MRPS22: variants seen among roughly 807,000 people sequenced by gnomAD.
MRPS22 encodes the protein small ribosomal subunit protein mS22.
MRPS22 carries 30 observed loss-of-function variants against 44.0 expected under a neutral mutation model. The observed-to-expected ratio is 0.68, with a 90% CI of 0.51 to 0.93. The LOEUF (loss-of-function observed/expected upper bound fraction) is 0.93, where lower values mean the gene tolerates loss of function less well. Among genes scored for constraint, MRPS22 ranks in the 40% least tolerant of loss-of-function variants. The pLI, the probability that MRPS22 is intolerant of heterozygous loss-of-function variation, is 0.00. For synonymous variants in MRPS22, 165 were observed against 154.4 expected, an observed-to-expected ratio of 1.07 and a Z score of -0.51; for missense variants, 447 against 447.8, an observed-to-expected ratio of 1.00 and a Z score of 0.02.
chr3:139,353,802 G>T (rs1323514597), intron 6 of MRPS22, among the ~76,000 whole-genome samples: 1 of 152,108 alleles, frequency 6.6e-6, no homozygotes, highest in Non-Finnish European at 1.5e-5. Flanking sequence ...GTGTTGATGG[G>T]GATGCTCAAG....
intron 1 of MRPS22, chr3:139,344,653 A>G (rs1941003853): frequency 2.9e-6 from 2 of 693,886 alleles, no homozygotes; most frequent in South Asian, 3.0e-5. Flanking sequence ...CTTCTCAAGC[A>G]TAGGGGACAG....
At chr3:139,353,969 G>T (rs991739163) in intron 6 of MRPS22, among the ~76,000 whole-genome samples, 1 of 152,172 alleles carries the variant, frequency 6.6e-6, no homozygotes, top group Non-Finnish European at 1.5e-5. Context: ...AGTTTATTAG[G>T]ATATATTAAT....
Position 139,355,799 on chromosome 3 carries a change from T to C in MRPS22, c.987+9T>C, listed in dbSNP as rs762988177. Reference sequence around the variant, plus strand: ...GAATAAATTTAATCAAGGTAAAGTTTTTTTTTCATATTGGTTGTTTTGTGG... The same window carrying C: ...GAATAAATTTAATCAAGGTAAAGTTCTTTTTTCATATTGGTTGTTTTGTGG... On this transcript the variant is annotated intron_variant, in intron 7 of 7. Coordinates refer to ENST00000680020, the MANE Select transcript of MRPS22 (RefSeq NM_020191.4). 17 of 1,606,832 alleles carry C rather than the reference T, an allele frequency of 1.1e-5. No individual in the cohort carries two copies. Among genetic ancestry groups the C allele is most frequent in the East Asian group, 2.2e-5 (1 of 44,828 alleles).
intron 6 of MRPS22, 171 bp from the exon 7 acceptor site, chr3:139,355,511 C>G (rs1941231636): frequency 3.0e-6 from 2 of 663,422 alleles, no homozygotes; most frequent in Admixed American, 4.7e-5. Flanking sequence ...CTAAATTAGT[C>G]AATTTTCCTG....
At chr3:139,344,505 G>A in intron 1 of MRPS22, 2 of 610,836 alleles carry the variant, frequency 3.3e-6, no homozygotes, top group East Asian at 5.5e-5. Flanking sequence ...GGAATTGGCA[G>A]TGCAGTGTGA....
rs745665874 is a variant in MRPS22 at position 139,350,223 on chromosome 3, A to T, written c.549A>T (p.Lys183Asn). 1.9e-6 allele frequency: 3 copies of T among 1,614,194 alleles called. No homozygotes were observed. Among genetic ancestry groups the T allele is most frequent in the Non-Finnish European group, 2.5e-6 (3 of 1,180,010 alleles). The change falls in exon 4 of 8, where the codon AAA becomes AAT. Residue 183 changes from lysine (K) to asparagine (N), a missense_variant. Coordinates refer to ENST00000680020, the MANE Select transcript of MRPS22 (RefSeq NM_020191.4). ...GAGAACCAAGTGGCACACTACGCAA[A>T]GCCTCTTGGGAAGAACGGGACCGAA... ...VVREPSGTLR[K>N]ASWEERDRMI...
At chr3:139,350,070 G>T in intron 3 of MRPS22, 109 bp from the exon 4 acceptor site, 1 of 1,302,122 alleles carries the variant, frequency 7.7e-7, no homozygotes, top group Non-Finnish European at 1.1e-6. Flanking sequence ...ATGCATGATT[G>T]CATTTTATAT....
At chr3:139,350,444 TGAAATGGAGTTTCGCTCC>T in intron 4 of MRPS22, 122 bp downstream of exon 4, 3 of 1,144,490 alleles carry the variant, frequency 2.6e-6, no homozygotes, top group Non-Finnish European at 3.8e-6. Flanking sequence ...TTTTTTTTTT[TGAAATGGAGTTTCGCTCC>T]TTTTGCCCAG....
chr3:139,347,945 A>T (rs1465057890), intron 2 of MRPS22, among the ~76,000 whole-genome samples: 1 of 152,214 alleles, frequency 6.6e-6, no homozygotes, highest in East Asian at 1.9e-4. Context: ...TGTGGTTTTG[A>T]TAACGGTTGA....
chr3:139,352,277 CTT>C, intron 5 of MRPS22: 1 of 212,220 alleles, frequency 4.7e-6, no homozygotes, highest in South Asian at 8.0e-5. Flanking sequence ...AAATTCTTCT[CTT>C]TTAATTTTTT....
At chr3:139,356,329 T>C (rs1267810660) in intron 7 of MRPS22, among the ~76,000 whole-genome samples, 1 of 152,132 alleles carries the variant, frequency 6.6e-6, no homozygotes, top group Non-Finnish European at 1.5e-5. Context: ...GTGCTGAGAG[T>C]TGAGATGATA....
In MRPS22 at chr3:139,346,867, G is replaced by A; in HGVS notation, c.173-11G>A. Reference sequence around the variant, plus strand: ...TTTTGTCAGCTTCTTATTTACTAAAGTCCATTTTAGCAGAATCTGGTAGCC... The same window carrying A: ...TTTTGTCAGCTTCTTATTTACTAAAATCCATTTTAGCAGAATCTGGTAGCC... On this transcript the variant is annotated splice_polypyrimidine_tract_variant and intron_variant, in intron 1 of 7. Coordinates refer to ENST00000680020, the MANE Select transcript of MRPS22 (RefSeq NM_020191.4). 6.2e-7 allele frequency: 1 copy of A among 1,613,998 alleles called. No homozygotes were observed. The highest frequency in any genetic ancestry group is 8.5e-7 in the Non-Finnish European group (1 of 1,179,920).
intron 7 of MRPS22, among the ~76,000 whole-genome samples, chr3:139,356,444 T>C (rs1941265696): frequency 6.6e-6 from 1 of 152,192 alleles, no homozygotes; most frequent in Non-Finnish European, 1.5e-5. Context: ...AGTAATACTG[T>C]TTGCATGCTG....
At chr3:139,356,794 T>C (rs1368703167) in intron 7 of MRPS22, 125 bp from the exon 8 acceptor site, 1 of 690,220 alleles carries the variant, frequency 1.4e-6, no homozygotes, top group Non-Finnish European at 2.5e-6. Flanking sequence ...AATTGTGAAA[T>C]CTGAAAGCCC....
intron 3 of MRPS22, 129 bp from the exon 4 acceptor site, chr3:139,350,050 T>A (rs974229282): frequency 6.7e-6 from 7 of 1,043,974 alleles, no homozygotes; most frequent in African/African-American, 1.6e-5. Flanking sequence ...AAAATTATCA[T>A]TGATCTCATA....
At chr3:139,353,988 T>C (rs971651490) in intron 6 of MRPS22, among the ~76,000 whole-genome samples, 8 of 152,228 alleles carry the variant, frequency 5.3e-5, no homozygotes, top group African/African-American at 1.9e-4. Flanking sequence ...ATGTATGATA[T>C]TATAGTATTA....
At position 139,344,090 on chromosome 3, in the gene MRPS22, C is replaced by T. The variant is rs1176249861; in HGVS notation, c.64C>T (p.Arg22Trp). 2 of 1,614,202 alleles carry T rather than the reference C, an allele frequency of 1.2e-6. No individual in the cohort carries two copies. The highest frequency in any genetic ancestry group is 1.3e-5 in the African/African-American group (1 of 75,068). Reference protein sequence around the residue: ...SLLRSSPGVERVCFRARIQPW... With the variant: ...SLLRSSPGVEWVCFRARIQPW... ...CTTGAGGAGTTCTCCGGGCGTGGAA[C>T]GGGTCTGTTTCCGGGCTCGAATCCA... is the stretch of plus-strand genomic sequence containing the variant. Residue 22 changes from arginine (R) to tryptophan (W), a missense_variant, in exon 1 of 8, where the codon CGG becomes TGG. Coordinates refer to ENST00000680020, the MANE Select transcript of MRPS22 (RefSeq NM_020191.4).
At chr3:139,344,853 G>C (rs1372479002) in intron 1 of MRPS22, 14 of 556,192 alleles carry the variant, frequency 2.5e-5, no homozygotes, top group Non-Finnish European at 3.2e-5. Flanking sequence ...TTAATTGTTG[G>C]AACCGTTATT....
chr3:139,355,643 A>C, intron 6 of MRPS22, 39 bp from the exon 7 acceptor site: 3 of 1,507,710 alleles, frequency 2.0e-6, no homozygotes, highest in Non-Finnish European at 2.8e-6. Context: ...AATCAAATGA[A>C]GAAAACCCCT....
Sources: gnomAD v4.1 joint callset for allele counts (sites outside exome capture counted in the v4.1 genomes callset) on GRCh38, gnomAD v4.1.1 for gene constraint, MANE v1.5 for transcripts, NCBI Gene and HGNC (gene_info 2026-07-23, HGNC 2026-07-21) for gene names.